CAPN7: variants seen among roughly 807,000 people sequenced by gnomAD.
CAPN7 encodes calpain 7, also known as calpain-7.
A neutral mutation model predicts 115.2 loss-of-function variants in CAPN7; 72 were observed. The ratio of observed to expected loss-of-function variants is 0.63; its 90% CI spans 0.52 to 0.76. The LOEUF (loss-of-function observed/expected upper bound fraction) is 0.76. Ranked by LOEUF, CAPN7 falls within the 30% of genes least tolerant of loss-of-function variation. The probability of loss-of-function intolerance (pLI) is 0.00; values close to 1 mark genes in which losing one functional copy is unlikely to be tolerated. For synonymous variants in CAPN7, 344 were observed against 322.3 expected (o/e 1.07, Z -0.72); for missense variants, 905 against 971.5 (o/e 0.93, Z 0.91).
intron 4 of CAPN7, among the ~76,000 whole-genome samples, chr3:15,219,559 G>A (rs1396236065): frequency 6.6e-6 from 1 of 152,188 alleles, no homozygotes; most frequent in African/African-American, 2.4e-5. Flanking sequence ...TATTACGTCT[G>A]TGGCTAACCC....
In CAPN7 at chr3:15,235,054, CGT is replaced by C; in HGVS notation, c.1317_1318del (p.Ser440AsnfsTer8). On this transcript the variant is annotated frameshift_variant, in exon 12 of 21. Transcript: ENST00000253693. LOFTEE classifies it high-confidence loss of function. ...CACAAAGGAGATGTCCTCATCACTG[CGT>C]CAACTGGAATGATGACAGAAGCTGA... is the stretch of plus-strand genomic sequence containing the variant. 6.2e-7 allele frequency: 1 copy of C among 1,612,570 alleles called. No individual in the cohort carries two copies. Among genetic ancestry groups the C allele is most frequent in the South Asian group, 1.1e-5 (1 of 90,992 alleles).
At chr3:15,230,620 C>T (rs1694627422) in intron 9 of CAPN7, 85 bp downstream of exon 9, 2 of 807,582 alleles carry the variant, frequency 2.5e-6, no homozygotes, top group Admixed American at 1.9e-5. Context: ...TAAGAAATGT[C>T]ATCTGTTTGA....
At chr3:15,249,779 T>A (rs1470256430) in intron 19 of CAPN7, among the ~76,000 whole-genome samples, 4 of 151,796 alleles carry the variant, frequency 2.6e-5, no homozygotes, top group African/African-American at 9.7e-5. Flanking sequence ...TTTTTCTTTT[T>A]TTTTTGAGAC....
chr3:15,212,121 A>G lies in CAPN7; in HGVS notation c.120A>G (p.Leu40=). ...ATTTTTAGGAAGCTGCACAAGCCTT[A>G]ATTTATGCTGAGATGGCAGGATCAA... ...VFYYKEAAQA[L]IYAEMAGSSL... Residue 40 remains leucine (L), a synonymous_variant, in exon 2 of 21, where the codon TTA becomes TTG. Coordinates refer to ENST00000253693, the MANE Select transcript of CAPN7 (RefSeq NM_014296.3). The G allele has an allele frequency of 2.5e-6, 4 of 1,607,304 alleles. No individual in the cohort carries two copies. Among genetic ancestry groups the G allele is most frequent in the Non-Finnish European group, 3.4e-6 (4 of 1,176,604 alleles).
chr3:15,208,778 T>A (rs2044773358), intron 1 of CAPN7, among the ~76,000 whole-genome samples: 1 of 152,224 alleles, frequency 6.6e-6, no homozygotes, highest in Non-Finnish European at 1.5e-5. Context: ...GGTATGAGCT[T>A]CCATGGTCCA....
intron 2 of CAPN7, among the ~76,000 whole-genome samples, chr3:15,215,341 G>A (rs539290765): frequency 6.6e-6 from 1 of 152,270 alleles, no homozygotes; most frequent in East Asian, 1.9e-4. Flanking sequence ...CAAGTTTAGC[G>A]AGATACAATT....
intron 2 of CAPN7, 141 bp from the exon 3 acceptor site, chr3:15,217,284 T>A (rs1475936935): frequency 2.8e-6 from 2 of 717,180 alleles, no homozygotes; most frequent in Non-Finnish European, 2.0e-6. Flanking sequence ...TGTCCTTTTT[T>A]AAGGATTTTT....
chr3:15,238,735 G>T (rs1251044075), intron 12 of CAPN7, among the ~76,000 whole-genome samples: 1 of 151,988 alleles, frequency 6.6e-6, no homozygotes, highest in Non-Finnish European at 1.5e-5. Flanking sequence ...CCAGATCAGG[G>T]TGCTGACTTC....
Position 15,240,864 on chromosome 3 carries a change from G to A in CAPN7, c.1652+11G>A. ...AACATGTATTCACAGGTAACTTTTT[G>A]CACATTGCAGAGTATGCTTTATAAT... On this transcript the variant is annotated intron_variant, in intron 14 of 20. Coordinates refer to ENST00000253693, the MANE Select transcript of CAPN7 (RefSeq NM_014296.3). The A allele has an allele frequency of 6.7e-7, 1 of 1,491,570 alleles. No individual in the cohort carries two copies. The highest frequency in any genetic ancestry group is 9.3e-7 in the Non-Finnish European group (1 of 1,071,694). The allele number at this position is 1,491,570 out of a possible 1,614,324, so 92.4% of individuals were successfully genotyped here.
chr3:15,230,396 T>C (rs1308444725), intron 8 of CAPN7, 46 bp from the exon 9 acceptor site: 11 of 1,268,390 alleles, frequency 8.7e-6, no homozygotes, highest in African/African-American at 1.5e-5. Context: ...GTAGTTGATA[T>C]TGAATACTAA....
At chr3:15,225,152 T>C (rs1694238106) in intron 6 of CAPN7, among the ~76,000 whole-genome samples, 1 of 152,188 alleles carries the variant, frequency 6.6e-6, no homozygotes, top group South Asian at 2.1e-4. Flanking sequence ...AAGCACTATA[T>C]AATAAAGGTT....
In CAPN7 at chr3:15,220,946, A is replaced by T. The variant is rs1693944480; in HGVS notation, c.603A>T (p.Gly201=). ...GTCCTCAGTCATGTGATGCACAAGG[A>T]CAGAGATACACAGCAGAAGAAATAG... The part of the protein sequence containing the change: ...FISPQSCDAQ[G]QRYTAEEIEV... The change falls in exon 5 of 21, where the codon GGA becomes GGT. Residue 201 remains glycine, a synonymous_variant. Coordinates refer to ENST00000253693, the MANE Select transcript of CAPN7 (RefSeq NM_014296.3). The T allele has an allele frequency of 1.2e-6, 2 of 1,613,978 alleles. No individual in the cohort carries two copies. The highest frequency in any genetic ancestry group is 4.5e-5 in the East Asian group (2 of 44,896).
Position 15,232,665 on chromosome 3 carries a change from C to G in CAPN7, c.1179C>G (p.Ser393=), listed in dbSNP as rs149320289. Residue 393 remains serine, a splice_region_variant and synonymous_variant, in exon 10 of 21, where the codon TCC becomes TCG. Transcript: ENST00000253693. The part of the protein sequence containing the change: ...MGGYDFPGSN[S]NIDLHALTGW... The stretch of plus-strand genomic sequence containing the variant: ...GATATGATTTTCCAGGATCCAACTC[C>G]GTAAGTAATAGATAAGACGATCCAG... 1.9e-6 allele frequency: 3 copies of G among 1,602,582 alleles called. No homozygotes were observed. Among genetic ancestry groups the G allele is most frequent in the Non-Finnish European group, 2.6e-6 (3 of 1,175,626 alleles).
intron 5 of CAPN7, among the ~76,000 whole-genome samples, chr3:15,221,319 A>G (rs895171419): frequency 3.4e-5 from 5 of 148,122 alleles, no homozygotes; most frequent in Admixed American, 6.7e-5. Context: ...AGCTGGGACT[A>G]CAGGTGTGTG....
chr3:15,245,156 A>G (rs1007404926), intron 16 of CAPN7, among the ~76,000 whole-genome samples: 1 of 151,494 alleles, frequency 6.6e-6, no homozygotes, highest in African/African-American at 2.4e-5. Context: ...TGGGGAATAT[A>G]TATTTTTATA....
At position 15,240,507 on chromosome 3, in the gene CAPN7, G is replaced by C. The variant is rs1486763545; in HGVS notation, c.1442G>C (p.Ser481Thr). The change falls in exon 13 of 21, where the codon AGT becomes ACT. Residue 481 changes from serine to threonine, a missense_variant. Coordinates refer to ENST00000253693, the MANE Select transcript of CAPN7 (RefSeq NM_014296.3). Reference sequence around the variant, plus strand: ...TTTATCCAGTTGAAAAATCCTTGGAGTCATTTACGTTGGAAAGGAAGATAC... The same window carrying C: ...TTTATCCAGTTGAAAAATCCTTGGACTCATTTACGTTGGAAAGGAAGATAC... ...LRFIQLKNPW[S>T]HLRWKGRYSE... 2 of 1,611,902 alleles carry C rather than the reference G, an allele frequency of 1.2e-6. No individual in the cohort carries two copies. The highest frequency in any genetic ancestry group is 1.7e-6 in the Non-Finnish European group (2 of 1,179,562).
rs916432649 is a variant in CAPN7 at position 15,251,274 on chromosome 3, A to G, written c.*14A>G. 1 of 1,573,840 alleles carries G rather than the reference A, an allele frequency of 6.4e-7. No individual in the cohort carries two copies. The highest frequency in any genetic ancestry group is 8.6e-7 in the Non-Finnish European group (1 of 1,165,400). On this transcript the variant is annotated 3_prime_UTR_variant, in exon 21 of 21. Coordinates refer to ENST00000253693, the MANE Select transcript of CAPN7 (RefSeq NM_014296.3). ...CAACTTCAGTGATGGAGAAATCTCA[A>G]GTTACTGGCTTTTATACTTACCAAA...
chr3:15,250,671 C>CA (rs974242582), intron 19 of CAPN7, among the ~76,000 whole-genome samples: 45 of 151,702 alleles, frequency 3.0e-4, no homozygotes, highest in Non-Finnish European at 4.3e-4. Context: ...GACTCTGTCT[C>CA]AAAAAAAATA....
chr3:15,223,326 AT>A, intron 5 of CAPN7, 148 bp from the exon 6 acceptor site: 1 of 590,200 alleles, frequency 1.7e-6, no homozygotes, highest in Non-Finnish European at 3.0e-6. Context: ...TTTTATGAAA[AT>A]ATTGTCCAAA....
Sources: gnomAD v4.1 joint callset for allele counts (sites outside exome capture counted in the v4.1 genomes callset) on GRCh38, gnomAD v4.1.1 for gene constraint, MANE v1.5 for transcripts, NCBI Gene and HGNC (gene_info 2026-07-23, HGNC 2026-07-21) for gene names.